The following HS6ST3 variants were observed in gnomAD, a reference collection of about 807,000 sequenced individuals.
HS6ST3 encodes heparan sulfate 6-O-sulfotransferase 3.
In HS6ST3, 12 loss-of-function variants were observed where a neutral mutation model predicts 36.7. The ratio of observed to expected loss-of-function variants is 0.33; its 90% CI spans 0.21 to 0.53. The LOEUF is 0.53. Ranked by LOEUF, HS6ST3 falls within the 20% of genes least tolerant of loss-of-function variation. The pLI is 0.95. For missense variants in HS6ST3, 584 were observed against 640.9 expected (o/e 0.91, Z 0.96); for synonymous variants, 240 against 257.5 (o/e 0.93, Z 0.65).
chr13:96,722,851 C>T (rs1875883354), intron 1 of HS6ST3, among the ~76,000 whole-genome samples: 1 of 152,008 alleles, frequency 6.6e-6, no homozygotes, highest in Non-Finnish European at 1.5e-5. Flanking sequence ...GTGGCGTGCG[C>T]CTGTAGTCCC....
intron 1 of HS6ST3, among the ~76,000 whole-genome samples, chr13:96,199,185 G>A (rs1309762746): frequency 1.3e-5 from 2 of 152,070 alleles, no homozygotes; most frequent in Non-Finnish European, 1.5e-5. Flanking sequence ...GAGAATTCTG[G>A]GAGCTACAAT....
intron 1 of HS6ST3, among the ~76,000 whole-genome samples, chr13:96,744,421 G>A (rs915773872): frequency 1.3e-5 from 2 of 152,018 alleles, no homozygotes; most frequent in African/African-American, 4.8e-5. Flanking sequence ...CCTACATAGA[G>A]GGAAGAAATG....
intron 1 of HS6ST3, among the ~76,000 whole-genome samples, chr13:96,353,689 A>C (rs1165208669): frequency 6.6e-6 from 1 of 152,220 alleles, no homozygotes; most frequent in Non-Finnish European, 1.5e-5. Flanking sequence ...AGGGAAAAAC[A>C]TATACCTTTA....
intron 1 of HS6ST3, among the ~76,000 whole-genome samples, chr13:96,296,922 C>T (rs950034444): frequency 6.6e-6 from 1 of 152,070 alleles, no homozygotes; most frequent in Non-Finnish European, 1.5e-5. Flanking sequence ...TTATAGCTTT[C>T]ACCCACAAAC....
At chr13:96,196,220 G>A (rs749179427) in intron 1 of HS6ST3, among the ~76,000 whole-genome samples, 6 of 152,050 alleles carry the variant, frequency 3.9e-5, no homozygotes, top group South Asian at 2.1e-4. Context: ...GATTCCTGGC[G>A]TCCACCTTCT....
chr13:96,260,703 A>G (rs2054661891), intron 1 of HS6ST3, among the ~76,000 whole-genome samples: 1 of 150,566 alleles, frequency 6.6e-6, no homozygotes, highest in African/African-American at 2.5e-5. Flanking sequence ...GCAGTGGCAC[A>G]GTCTTGGCTA....
intron 1 of HS6ST3, among the ~76,000 whole-genome samples, chr13:96,604,584 T>G (rs1222418157): frequency 1.3e-5 from 2 of 152,178 alleles, no homozygotes; most frequent in African/African-American, 4.8e-5. Context: ...AATATAACAC[T>G]TTGTTAAGAG....
At chr13:96,748,884 G>A (rs541000529) in intron 1 of HS6ST3, among the ~76,000 whole-genome samples, 16 of 152,154 alleles carry the variant, frequency 1.1e-4, no homozygotes, top group African/African-American at 3.4e-4. Context: ...CATTTTCATT[G>A]CCTTCATTTG....
intron 1 of HS6ST3, among the ~76,000 whole-genome samples, chr13:96,655,978 A>G (rs1028786985): frequency 1.3e-5 from 2 of 152,130 alleles, no homozygotes; most frequent in Non-Finnish European, 2.9e-5. Flanking sequence ...TGATTACCAC[A>G]ATTATAATTC....
intron 1 of HS6ST3, among the ~76,000 whole-genome samples, chr13:96,618,125 G>T (rs1370377078): frequency 6.6e-6 from 1 of 152,082 alleles, no homozygotes; most frequent in African/African-American, 2.4e-5. Context: ...TAAGAGATGG[G>T]GTTTCACTGT....
intron 1 of HS6ST3, among the ~76,000 whole-genome samples, chr13:96,121,615 A>C (rs1366297333): frequency 6.6e-6 from 1 of 152,234 alleles, no homozygotes; most frequent in African/African-American, 2.4e-5. Flanking sequence ...ACTCTCCTCC[A>C]GTCCATGGTT....
At position 96,160,548 on chromosome 13, in the gene HS6ST3, G is replaced by A. The variant is rs369275847; in HGVS notation, c.707+68979G>A. Among the ~76,000 whole-genome samples, 23 of 152,284 alleles carry A rather than the reference G, an allele frequency of 1.5e-4. No homozygotes were observed. The East Asian group carries it at 1.7e-3, about 11-fold the overall frequency. ...CTATGTAGGAGTGTCTACAGAGGTA[G>A]TGATTGATTTTAAGAAGAGTTGAAT... On this transcript the variant is annotated intron_variant, in intron 1 of 1. Coordinates refer to ENST00000376705, the MANE Select transcript of HS6ST3 (RefSeq NM_153456.4).
intron 1 of HS6ST3, among the ~76,000 whole-genome samples, chr13:96,666,922 G>A (rs1224681877): frequency 6.6e-6 from 1 of 152,032 alleles, no homozygotes; most frequent in Non-Finnish European, 1.5e-5. Context: ...ATTGTATAAT[G>A]TCATCCATGA....
intron 1 of HS6ST3, among the ~76,000 whole-genome samples, chr13:96,714,075 TA>T (rs553778936): frequency 8.7e-4 from 133 of 152,284 alleles, no homozygotes; most frequent in African/African-American, 3.1e-3. Context: ...TGAAAAAGTT[TA>T]ACATTTTTAG....
At chr13:96,762,599 G>T (rs1284011046) in intron 1 of HS6ST3, among the ~76,000 whole-genome samples, 1 of 152,158 alleles carries the variant, frequency 6.6e-6, no homozygotes, top group Admixed American at 6.5e-5. Flanking sequence ...AATCTCTCTC[G>T]TGGGTTGGTT....
intron 1 of HS6ST3, among the ~76,000 whole-genome samples, chr13:96,682,727 T>C (rs1186382232): frequency 1.3e-5 from 2 of 152,138 alleles, no homozygotes; most frequent in African/African-American, 2.4e-5. Flanking sequence ...CTTGTATTGA[T>C]ATTTTAAAAT....
chr13:96,814,942 C>A (rs1005870088), intron 1 of HS6ST3, among the ~76,000 whole-genome samples: 1 of 151,974 alleles, frequency 6.6e-6, no homozygotes, highest in African/African-American at 2.4e-5. Context: ...CTTGACAGTC[C>A]ATTTATATTT....
At chr13:96,273,144 A>T (rs1435658978) in intron 1 of HS6ST3, among the ~76,000 whole-genome samples, 4 of 151,982 alleles carry the variant, frequency 2.6e-5, no homozygotes, top group Non-Finnish European at 2.9e-5. Flanking sequence ...TAGAGTTTCT[A>T]AGTCCTTAGT....
chr13:96,574,308 C>T, intron 1 of HS6ST3: 1 of 381,420 alleles, frequency 2.6e-6, no homozygotes, highest in Non-Finnish European at 5.2e-6. Context: ...AAACGTACCG[C>T]CTCATTTTCA....
Sources: gnomAD v4.1 joint callset for allele counts (sites outside exome capture counted in the v4.1 genomes callset) on GRCh38, gnomAD v4.1.1 for gene constraint, MANE v1.5 for transcripts, NCBI Gene and HGNC (gene_info 2026-07-23, HGNC 2026-07-21) for gene names.